Variants in KHDRBS3 observed in about 807,000 individuals in gnomAD.
KHDRBS3 encodes KH domain-containing, RNA-binding, signal transduction-associated protein 3.
KHDRBS3 carries 23 observed loss-of-function variants against 45.6 expected under a neutral mutation model. That is an observed-to-expected ratio of 0.50 (90% CI 0.36 to 0.72). The LOEUF is 0.72. Ranked by LOEUF, KHDRBS3 falls within the 30% of genes least tolerant of loss-of-function variation. The pLI is 0.00. For missense variants in KHDRBS3, 352 were observed against 424.8 expected (o/e 0.83, Z 1.51); for synonymous variants, 162 against 156.5 (o/e 1.04, Z -0.26).
At position 135,646,054 on chromosome 8, in the gene KHDRBS3, G is replaced by A. The variant is rs1831276152; in HGVS notation, c.949+937G>A. Reference sequence around the variant, plus strand: ...CGTAACAAACACTTAAGAGAAATATGTTGGTTTGCTGAATGCAGGCTACCT... The same window carrying A: ...CGTAACAAACACTTAAGAGAAATATATTGGTTTGCTGAATGCAGGCTACCT... On this transcript the variant is annotated intron_variant, in intron 8 of 8. Transcript: ENST00000355849. 2.6e-5 allele frequency among the ~76,000 whole-genome samples: 3 copies of A among 115,532 alleles called. No individual in the cohort carries two copies. The Admixed American group carries it at 3.4e-4, about 13-fold the overall frequency. 75.8% of individuals were successfully genotyped at this position (115,532 alleles called of 152,430 possible).
chr8:135,649,639 G>C (rs1188846450), downstream of KHDRBS3, among the ~76,000 whole-genome samples: 1 of 152,062 alleles, frequency 6.6e-6, no homozygotes, highest in Non-Finnish European at 1.5e-5. Flanking sequence ...TACGGAATGG[G>C]AATGTGACGT....
At chr8:135,557,349 C>G in intron 4 of KHDRBS3, 99 bp from the exon 5 acceptor site, 1 of 573,754 alleles carries the variant, frequency 1.7e-6, no homozygotes, top group Non-Finnish European at 2.8e-6. Flanking sequence ...AACTATTTTC[C>G]TAACCCTTTT....
chr8:135,469,506 GTTTTTTTTTTGTTTTGGTTTTTTTTTT>G lies in KHDRBS3; in HGVS notation c.88+11563_88+11589del, dbSNP rs1821877118. 1.1e-4 allele frequency among the ~76,000 whole-genome samples: 12 copies of G among 111,278 alleles called. 1 individual carries two copies. The highest frequency in any genetic ancestry group is 1.8e-4 in the Admixed American group (2 of 11,262). The allele number at this position is 111,278 out of a possible 152,430, so 73.0% of individuals were successfully genotyped here. A position where few individuals can be genotyped will look rare whatever the true frequency, so the allele number is the denominator to read the frequency against. On this transcript the variant is annotated intron_variant, in intron 1 of 8. Transcript: ENST00000355849. ...GTTTCACCATGTTAGCCAGGATGGTGTTTTTTTTTTGTTTTGGTTTTTTTTTTTTTTTTTTTTTTTTGAGACGAGTCT... is the reference window on the plus strand; with the variant it reads ...GTTTCACCATGTTAGCCAGGATGGTGTTTTTTTTTTTTTTGAGACGAGTCT...
chr8:135,616,220 G>A (rs1392585936), intron 7 of KHDRBS3, among the ~76,000 whole-genome samples: 1 of 152,144 alleles, frequency 6.6e-6, no homozygotes, highest in East Asian at 1.9e-4. Flanking sequence ...CACAGAATTT[G>A]AGCTTGACCA....
At chr8:135,490,125 G>A (rs1435872235) in intron 1 of KHDRBS3, among the ~76,000 whole-genome samples, 2 of 152,092 alleles carry the variant, frequency 1.3e-5, no homozygotes, top group Non-Finnish European at 2.9e-5. Flanking sequence ...GTGTGTAGTG[G>A]ACTGTACCCC....
chr8:135,604,367 A>G (rs1322709172), intron 6 of KHDRBS3, among the ~76,000 whole-genome samples: 1 of 151,932 alleles, frequency 6.6e-6, no homozygotes, highest in African/African-American at 2.4e-5. Flanking sequence ...TTTTCCCATA[A>G]TGCTAATTTC....
intron 5 of KHDRBS3, among the ~76,000 whole-genome samples, chr8:135,560,487 C>T (rs902892077): frequency 5.3e-5 from 8 of 152,088 alleles, no homozygotes; most frequent in South Asian, 2.1e-4. Context: ...CGAGCACATC[C>T]GCTGCTGTTG....
intron 7 of KHDRBS3, among the ~76,000 whole-genome samples, chr8:135,639,095 TG>T (rs1830946980): frequency 1.3e-5 from 2 of 152,222 alleles, no homozygotes; most frequent in African/African-American, 4.8e-5. Flanking sequence ...AGGTAGTTAC[TG>T]ATTGGTCACA....
intron 7 of KHDRBS3, among the ~76,000 whole-genome samples, chr8:135,621,752 G>T (rs1830152368): frequency 6.6e-6 from 1 of 151,794 alleles, no homozygotes; most frequent in African/African-American, 2.4e-5. Flanking sequence ...TTGACTTGGT[G>T]TGCATTGGTA....
chr8:135,493,082 A>G (rs757504672), intron 1 of KHDRBS3, among the ~76,000 whole-genome samples: 1 of 145,268 alleles, frequency 6.9e-6, no homozygotes, highest in African/African-American at 2.5e-5. Flanking sequence ...TGTTACTGGA[A>G]TTTTTTTTTT....
chr8:135,511,723 T>A (rs1355994162), intron 1 of KHDRBS3, among the ~76,000 whole-genome samples: 2 of 151,372 alleles, frequency 1.3e-5, no homozygotes, highest in Non-Finnish European at 2.9e-5. Flanking sequence ...GCCAGGCTAA[T>A]TTTTTTTTGT....
chr8:135,640,715 C>A (rs73713807), intron 7 of KHDRBS3, among the ~76,000 whole-genome samples: 10 of 152,152 alleles, frequency 6.6e-5, no homozygotes, highest in Non-Finnish European at 1.5e-4. Flanking sequence ...GGAAGCCCCC[C>A]TCTTGATCTG....
chr8:135,521,356 G>T lies in KHDRBS3; in HGVS notation c.207+1G>T. 1 of 1,539,570 alleles carries T rather than the reference G, an allele frequency of 6.5e-7. No individual in the cohort carries two copies. Among genetic ancestry groups the T allele is most frequent in the Non-Finnish European group, 9.0e-7 (1 of 1,112,242 alleles). On this transcript the variant is annotated splice_donor_variant, in intron 2 of 8. Coordinates refer to ENST00000355849, the MANE Select transcript of KHDRBS3 (RefSeq NM_006558.3). LOFTEE classifies it high-confidence loss of function. ...AATTCCCGTAAAACAGTTCCCTAAGGTAAGACAGTGAGGTCTACACTGCAG... is the reference window on the plus strand; with the variant it reads ...AATTCCCGTAAAACAGTTCCCTAAGTTAAGACAGTGAGGTCTACACTGCAG...
chr8:135,613,240 T>C (rs1443575519), intron 7 of KHDRBS3, among the ~76,000 whole-genome samples: 2 of 151,942 alleles, frequency 1.3e-5, no homozygotes, highest in East Asian at 3.8e-4. Context: ...CGATGTATTA[T>C]CAGAAACAGA....
downstream of KHDRBS3, among the ~76,000 whole-genome samples, chr8:135,651,423 G>C (rs1831425992): frequency 6.6e-6 from 1 of 151,940 alleles, no homozygotes; most frequent in African/African-American, 2.4e-5. Context: ...GTAAATATTT[G>C]CAATTATAAG....
At chr8:135,652,111 T>C (rs932360854), downstream of KHDRBS3, among the ~76,000 whole-genome samples, 2 of 152,246 alleles carry the variant, frequency 1.3e-5, no homozygotes, top group Non-Finnish European at 2.9e-5. Context: ...ACTATTTATA[T>C]TGATATTCAG....
chr8:135,500,399 G>A (rs1756092877), intron 1 of KHDRBS3, among the ~76,000 whole-genome samples: 1 of 152,066 alleles, frequency 6.6e-6, no homozygotes, highest in South Asian at 2.1e-4. Context: ...TTTATCAGAA[G>A]GATTTGAGGA....
rs1398611882 is a variant in KHDRBS3 at position 135,457,805 on chromosome 8, G to T, written c.-62G>T. 2 of 1,164,666 alleles carry T rather than the reference G, an allele frequency of 1.7e-6. No individual in the cohort carries two copies. 72.1% of individuals were successfully genotyped at this position (1,164,666 alleles called of 1,614,324 possible). A position where few individuals can be genotyped will look rare whatever the true frequency, so the allele number is the denominator to read the frequency against. ...GCTGGGGGCGCGGGCGGGGTCGGGG[G>T]TTGCCGGGCGCCGCCCCCCGTGCGC... On this transcript the variant is annotated 5_prime_UTR_variant, in exon 1 of 9. Transcript: ENST00000355849. This position sits in a 1 kb window ranked among gnomAD's most constrained non-coding sequence, Gnocchi z 4.4.
At chr8:135,537,342 G>A (rs951590906) in intron 2 of KHDRBS3, among the ~76,000 whole-genome samples, 23 of 152,186 alleles carry the variant, frequency 1.5e-4, no homozygotes, top group African/African-American at 4.1e-4. Context: ...AATGGAGACC[G>A]TGACAGGTTC....
Sources: allele counts gnomAD v4.1 joint callset (sites outside exome capture counted in the v4.1 genomes callset), GRCh38; gene constraint gnomAD v4.1.1; non-coding constraint Gnocchi (gnomAD v3.1); transcripts MANE v1.5; gene names NCBI Gene and HGNC (gene_info 2026-07-23, HGNC 2026-07-21).